PPP3CA: variants seen among roughly 807,000 people sequenced by gnomAD.
The protein encoded by PPP3CA is CAM-PRP catalytic subunit.
Under a neutral mutation model 66.5 loss-of-function variants are expected in PPP3CA, and 14 were observed. The observed-to-expected ratio is 0.21, with a 90% confidence interval of 0.14 to 0.33. The LOEUF (loss-of-function observed/expected upper bound fraction) is 0.33, where lower values mean the gene tolerates loss of function less well. Ranked by LOEUF, PPP3CA falls within the 10% of genes least tolerant of loss-of-function variation. The pLI is 1.00. For missense variants in PPP3CA, 317 were observed against 639.5 expected (o/e 0.50, Z 5.44); for synonymous variants, 232 against 226.2 (o/e 1.03, Z -0.23).
chr4:101,345,858 G>A (rs1560729938), intron 1 of PPP3CA, among the ~76,000 whole-genome samples: 1 of 152,234 alleles, frequency 6.6e-6, no homozygotes. Context: ...AAGGATGCCA[G>A]GGCACGGAGG....
chr4:101,076,661 A>C (rs1729205659), intron 8 of PPP3CA, among the ~76,000 whole-genome samples: 1 of 152,208 alleles, frequency 6.6e-6, no homozygotes, highest in South Asian at 2.1e-4. Flanking sequence ...AAAGTTGCTC[A>C]GGGCAATGAG....
chr4:101,235,708 ATTAC>A (rs1726106416), intron 1 of PPP3CA, among the ~76,000 whole-genome samples: 1 of 151,836 alleles, frequency 6.6e-6, no homozygotes, highest in African/African-American at 2.4e-5. Flanking sequence ...TGGAATAATC[ATTAC>A]TTATTTGACA....
At chr4:101,083,092 C>G in intron 7 of PPP3CA, 94 bp downstream of exon 7, 1 of 918,482 alleles carries the variant, frequency 1.1e-6, no homozygotes, top group Non-Finnish European at 1.5e-6. Context: ...TGGGAGTGAG[C>G]CTGGTAAAAG....
intron 10 of PPP3CA, among the ~76,000 whole-genome samples, chr4:101,047,400 T>C (rs1402151302): frequency 6.6e-6 from 1 of 152,214 alleles, no homozygotes; most frequent in African/African-American, 2.4e-5. Flanking sequence ...TAAATAATGT[T>C]GTAAACATTA....
intron 2 of PPP3CA, among the ~76,000 whole-genome samples, chr4:101,128,564 A>G (rs1722320893): frequency 6.6e-6 from 1 of 151,716 alleles, no homozygotes; most frequent in South Asian, 2.1e-4. Context: ...TTTCACTGGG[A>G]CTGGTTACAC....
At chr4:101,329,924 C>A (rs955910970) in intron 1 of PPP3CA, among the ~76,000 whole-genome samples, 1 of 152,048 alleles carries the variant, frequency 6.6e-6, no homozygotes. Flanking sequence ...CATCCAAGAG[C>A]TCTGATCTTG....
chr4:101,317,584 A>G (rs1728920794), intron 1 of PPP3CA, among the ~76,000 whole-genome samples: 1 of 152,230 alleles, frequency 6.6e-6, no homozygotes, highest in African/African-American at 2.4e-5. Flanking sequence ...AAATAATGTC[A>G]TATCAAAACA....
At chr4:101,143,095 A>G (rs1722861841) in intron 2 of PPP3CA, among the ~76,000 whole-genome samples, 1 of 152,120 alleles carries the variant, frequency 6.6e-6, no homozygotes, top group Non-Finnish European at 1.5e-5. Flanking sequence ...AATTTCTACC[A>G]CACAAGTAAG....
At chr4:101,121,565 C>T (rs934802411) in intron 2 of PPP3CA, among the ~76,000 whole-genome samples, 5 of 151,826 alleles carry the variant, frequency 3.3e-5, no homozygotes, top group Admixed American at 6.6e-5. Flanking sequence ...AACAGAAAAA[C>T]GTTCTAAAAC....
chr4:101,240,207 T>C (rs1279921110), intron 1 of PPP3CA, among the ~76,000 whole-genome samples: 3 of 151,930 alleles, frequency 2.0e-5, no homozygotes, highest in South Asian at 2.1e-4. Flanking sequence ...ACAGTTAAGA[T>C]TGTGAGTTCT....
chr4:101,153,079 A>AAGAAAGC (rs780107810), intron 2 of PPP3CA, among the ~76,000 whole-genome samples: 2 of 152,162 alleles, frequency 1.3e-5, no homozygotes, highest in East Asian at 1.9e-4. Context: ...AAGGCTGGAG[A>AAGAAAGC]AGAAAGCAGA....
In PPP3CA at chr4:101,204,041, C is replaced by G. The variant is rs537330554; in HGVS notation, c.59-7925G>C. ...CTGGAGGGCAGTGGTGCAAACACAG[C>G]TCACTGCAGCCTCAACCTCCTGAGC... On this transcript the variant is annotated intron_variant, in intron 1 of 13. Coordinates refer to ENST00000394854, the MANE Select transcript of PPP3CA (RefSeq NM_000944.5). Among the ~76,000 whole-genome samples the G allele has an allele frequency of 2.0e-5, 3 of 152,280 alleles. No homozygotes were observed. The East Asian group carries it at 5.8e-4, about 29-fold the overall frequency.
chr4:101,042,803 C>CTTTTT (rs534973228), intron 10 of PPP3CA, among the ~76,000 whole-genome samples: 1 of 117,688 alleles, frequency 8.5e-6, no homozygotes, highest in Non-Finnish European at 1.9e-5. Context: ...AAGACTTTTT[C>CTTTTT]TTTTTTTTTT....
At chr4:101,148,841 G>C (rs1304843365) in intron 2 of PPP3CA, among the ~76,000 whole-genome samples, 1 of 152,110 alleles carries the variant, frequency 6.6e-6, no homozygotes, top group African/African-American at 2.4e-5. Flanking sequence ...GTTAAAAAGA[G>C]TAAAGCTGGC....
chr4:101,179,117 C>T (rs976007116), intron 2 of PPP3CA, among the ~76,000 whole-genome samples: 2 of 152,026 alleles, frequency 1.3e-5, no homozygotes, highest in African/African-American at 4.8e-5. Context: ...AACTATCTCT[C>T]GAACGATCAC....
intron 10 of PPP3CA, among the ~76,000 whole-genome samples, chr4:101,059,496 G>A (rs530427734): frequency 3.9e-5 from 6 of 152,166 alleles, no homozygotes; most frequent in Non-Finnish European, 5.9e-5. Context: ...ATTTACCTGA[G>A]TATATAGACT....
chr4:101,028,782 T>A (rs1726785507), intron 13 of PPP3CA, among the ~76,000 whole-genome samples: 1 of 152,172 alleles, frequency 6.6e-6, no homozygotes, highest in Admixed American at 6.6e-5. Context: ...AAGATGGCTA[T>A]TTTTATTCTC....
chr4:101,048,868 C>G (rs1406465640), intron 10 of PPP3CA, among the ~76,000 whole-genome samples: 1 of 152,038 alleles, frequency 6.6e-6, no homozygotes, highest in Non-Finnish European at 1.5e-5. Context: ...TGTCTTACAA[C>G]CCACTTTGAA....
chr4:101,275,923 G>C lies in PPP3CA; in HGVS notation c.58+70816C>G, dbSNP rs140200071. The stretch of plus-strand genomic sequence containing the variant: ...GTTTTTTGTTTTTTTTTGAGACAGG[G>C]TCCAGCTCTGTTGCCCAGACTGGAG... On this transcript the variant is annotated intron_variant, in intron 1 of 13. Coordinates refer to ENST00000394854, the MANE Select transcript of PPP3CA (RefSeq NM_000944.5). Among the ~76,000 whole-genome samples the C allele has an allele frequency of 8.2e-3, 1,230 of 150,906 alleles. 11 individuals are homozygous for C. The highest frequency in any genetic ancestry group is 0.013 in the Non-Finnish European group (882 of 67,788).
Sources: gnomAD v4.1 joint callset for allele counts (sites outside exome capture counted in the v4.1 genomes callset) on GRCh38, gnomAD v4.1.1 for gene constraint, MANE v1.5 for transcripts, NCBI Gene and HGNC (gene_info 2026-07-23, HGNC 2026-07-21) for gene names.